The following GLRA2 variants were observed in gnomAD, a reference collection of about 807,000 sequenced individuals.
GLRA2 encodes glycine receptor subunit alpha-2.
Under a neutral mutation model 31.6 loss-of-function variants are expected in GLRA2, and 11 were observed. That is an observed-to-expected ratio of 0.35 (90% confidence interval 0.22 to 0.58). The LOEUF (loss-of-function observed/expected upper bound fraction) is 0.58. Among genes scored for constraint, GLRA2 ranks in the 20% least tolerant of loss-of-function variants. The pLI is 0.84. For missense variants in GLRA2, 212 were observed against 351.8 expected (o/e 0.60, Z 3.18); for synonymous variants, 132 against 134.0 (o/e 0.99, Z 0.10).
At chrX:14,709,578 T>C (rs1392359935) in intron 8 of GLRA2, among the ~76,000 whole-genome samples, 2 of 112,336 alleles carry the variant, frequency 1.8e-5, no homozygotes, top group Non-Finnish European at 3.8e-5. Flanking sequence ...GAGTTGCGTA[T>C]AAGAAGCTAT....
chrX:14,721,595 C>G (rs1432038837), intron 8 of GLRA2, among the ~76,000 whole-genome samples: 1 of 111,464 alleles, frequency 9.0e-6, no homozygotes, highest in Non-Finnish European at 1.9e-5. Flanking sequence ...TCTGAAAGAG[C>G]TTATCAGGTA....
chrX:14,492,138 G>A, the GLRA2 span, among the ~76,000 whole-genome samples: 4 of 109,773 alleles, frequency 3.6e-5, no homozygotes, highest in Non-Finnish European at 7.6e-5. Flanking sequence ...GAAGCAAAAT[G>A]GATTGAAAAA....
chrX:14,618,668 G>A (rs961679514), intron 7 of GLRA2, among the ~76,000 whole-genome samples: 2 of 111,473 alleles, frequency 1.8e-5, no homozygotes, highest in African/African-American at 6.5e-5. Context: ...GGTCTTATAA[G>A]GCTGAAATCA....
At chrX:14,565,061 AG>A (rs1211002244) in intron 2 of GLRA2, among the ~76,000 whole-genome samples, 7 of 111,746 alleles carry the variant, frequency 6.3e-5, no homozygotes, top group African/African-American at 2.3e-4. Context: ...GAGGAAATGT[AG>A]GACATAAAAA....
rs749925474 is a variant in GLRA2 at position 14,698,681 on chromosome X, CAAAAAAAA to C, written c.1080+7843_1080+7850del. 1.7e-3 allele frequency among the ~76,000 whole-genome samples: 35 copies of C among 21,137 alleles called. No homozygotes were observed. The East Asian group carries it at 0.051, about 31-fold the overall frequency. The allele number at this position is 21,137 out of a possible 115,157, so 18.4% of individuals were successfully genotyped here. ...CGACAGAGTGAGACTCTATCTATCTCAAAAAAAAAAAAAAAAAAAAAAAAAAAAGTAAA... is the reference window on the plus strand; with the variant it reads ...CGACAGAGTGAGACTCTATCTATCTCAAAAAAAAAAAAAAAAAAAAGTAAA... On this transcript the variant is annotated intron_variant, in intron 8 of 8. Coordinates refer to ENST00000218075, the MANE Select transcript of GLRA2 (RefSeq NM_002063.4).
chrX:14,451,346 G>A, the GLRA2 span, among the ~76,000 whole-genome samples: 1 of 110,821 alleles, frequency 9.0e-6, no homozygotes, highest in Non-Finnish European at 1.9e-5. Context: ...AAGGCACAGA[G>A]TGGGCTGGGT....
chrX:14,454,178 ACCCACACACC>A, the GLRA2 span, among the ~76,000 whole-genome samples: 1 of 4,705 alleles, frequency 2.1e-4, no homozygotes, highest in African/African-American at 1.8e-3. Context: ...ACACACCCAC[ACCCACACACC>A]CACACACACA....
the GLRA2 span, among the ~76,000 whole-genome samples, chrX:14,520,357 G>T: frequency 8.9e-6 from 1 of 112,272 alleles, no homozygotes; most frequent in African/African-American, 3.2e-5. Context: ...TAGCAAAGGA[G>T]AAATCTTTCT....
At chrX:14,697,728 C>T (rs1361893424) in intron 8 of GLRA2, among the ~76,000 whole-genome samples, 2 of 110,890 alleles carry the variant, frequency 1.8e-5, no homozygotes, top group Non-Finnish European at 3.8e-5. Flanking sequence ...ATGAAGCCAC[C>T]GGGCTATCAC....
chrX:14,715,458 G>A (rs188141811), intron 8 of GLRA2, among the ~76,000 whole-genome samples: 1 of 111,713 alleles, frequency 9.0e-6, no homozygotes, highest in Non-Finnish European at 1.9e-5. Context: ...CTAGGCACTG[G>A]GGATATCAAA....
the GLRA2 span, among the ~76,000 whole-genome samples, chrX:14,503,797 A>T: frequency 8.9e-6 from 1 of 111,744 alleles, no homozygotes; most frequent in African/African-American, 3.3e-5. Flanking sequence ...AATAATGCCA[A>T]GCTCTATCCC....
At chrX:14,487,412 A>G in the GLRA2 span, among the ~76,000 whole-genome samples, 1 of 107,209 alleles carries the variant, frequency 9.3e-6, no homozygotes. Context: ...AAAAAAAAAA[A>G]AAAGGTTTCC....
intron 5 of GLRA2, among the ~76,000 whole-genome samples, chrX:14,605,336 T>C (rs1043668868): frequency 2.7e-5 from 3 of 111,940 alleles, no homozygotes; most frequent in African/African-American, 9.7e-5. Flanking sequence ...CTAAAATCAC[T>C]ATGGATTTCC....
the GLRA2 span, among the ~76,000 whole-genome samples, chrX:14,456,718 A>G: frequency 8.9e-6 from 1 of 112,368 alleles, no homozygotes; most frequent in Non-Finnish European, 1.9e-5. Context: ...ATAATATTCC[A>G]TCATGTGTAT....
At chrX:14,727,445 T>A (rs943706093) in intron 8 of GLRA2, among the ~76,000 whole-genome samples, 12 of 112,040 alleles carry the variant, frequency 1.1e-4, no homozygotes, top group Non-Finnish European at 1.7e-4. Flanking sequence ...CTGGCATCAT[T>A]TCTACTTCAC....
At chrX:14,619,701 G>A (rs7881577) in intron 7 of GLRA2, among the ~76,000 whole-genome samples, 3,098 of 109,207 alleles carry the variant, frequency 0.028, 113 homozygotes, top group African/African-American at 0.097. Flanking sequence ...TTGTTTCCCC[G>A]CAGTACTTTA....
chrX:14,629,144 G>C (rs1437150361), intron 7 of GLRA2, among the ~76,000 whole-genome samples: 1 of 111,615 alleles, frequency 9.0e-6, no homozygotes, highest in Admixed American at 9.5e-5. Context: ...ACATCATAAG[G>C]GATGAAAAAA....
chrX:14,531,080 G>A (rs779841772), intron 1 of GLRA2: 1 of 956,171 alleles, frequency 1.0e-6, no homozygotes, highest in Non-Finnish European at 1.4e-6. Flanking sequence ...AATATAGGCT[G>A]GTTTTTATTA....
intron 7 of GLRA2, among the ~76,000 whole-genome samples, chrX:14,625,422 G>C (rs967627942): frequency 1.2e-4 from 13 of 111,552 alleles, no homozygotes; most frequent in African/African-American, 3.6e-4. Context: ...CTCGTTAGTT[G>C]ATGCAGTTTC....
Sources: allele counts gnomAD v4.1 joint callset (sites outside exome capture counted in the v4.1 genomes callset), GRCh38; gene constraint gnomAD v4.1.1; transcripts MANE v1.5; gene names NCBI Gene and HGNC (gene_info 2026-07-23, HGNC 2026-07-21).